GPCPD1: variants seen among roughly 807,000 people sequenced by gnomAD.
The protein encoded by GPCPD1 is glycerophosphocholine phosphodiesterase GPCPD1.
GPCPD1 carries 29 observed loss-of-function variants against 89.2 expected under a neutral mutation model. That is an observed-to-expected ratio of 0.33 (90% CI 0.24 to 0.44). GPCPD1 has a LOEUF of 0.44. Ranked by LOEUF, GPCPD1 falls within the 20% of genes least tolerant of loss-of-function variation. GPCPD1 has a pLI of 1.00. For synonymous variants in GPCPD1, 258 were observed against 266.3 expected, an observed-to-expected ratio of 0.97 and a Z score of 0.30; for missense variants, 594 against 808.9, an observed-to-expected ratio of 0.73 and a Z score of 3.22.
At chr20:5,576,040 T>TAC (rs36119025) in intron 8 of GPCPD1, 62 bp from the exon 9 acceptor site, 27,026 of 602,370 alleles carry the variant, frequency 0.045, 285 homozygotes, top group Non-Finnish European at 0.052. Context: ...TACATACATA[T>TAC]ACACACACAC....
In GPCPD1 at chr20:5,575,839, C is replaced by G. The variant is rs1346417000; in HGVS notation, c.845G>C (p.Arg282Pro). ...LTLPIMSRNSRKTIGKVRVDY... is the reference protein window; with the variant it reads ...LTLPIMSRNSPKTIGKVRVDY... ...ACCTCTCACTTTGCCTATTGTTTTC[C>G]GGGAATTTCTGCTCATGATGGGAAG... is the stretch of plus-strand genomic sequence containing the variant. The change falls in exon 9 of 20, where the codon CGG becomes CCG. Residue 282 changes from arginine to proline, a missense_variant. Physicochemically the swap from Arg to Pro is moderately radical, Grantham distance 103. Coordinates refer to ENST00000379019, the MANE Select transcript of GPCPD1 (RefSeq NM_019593.5). 6.2e-7 allele frequency: 1 copy of G among 1,609,744 alleles called. No homozygotes were observed. The highest frequency in any genetic ancestry group is 1.3e-5 in the African/African-American group (1 of 74,724).
At chr20:5,563,471 C>T in intron 15 of GPCPD1, among the ~76,000 whole-genome samples, 1 of 152,178 alleles carries the variant, frequency 6.6e-6, no homozygotes, top group East Asian at 1.9e-4. Context: ...CTTAGATGGG[C>T]TTCATAAGTA....
rs537940270 is a variant in GPCPD1, at chr20:5,570,288, C to T, written c.1057-49G>A. ...GAAAAACATTGCCTGGTACACAGTA[C>T]CTCTCAAACTGCAAGAACGTAAGAA... On this transcript the variant is annotated intron_variant, in intron 11 of 19. Coordinates refer to ENST00000379019, the MANE Select transcript of GPCPD1 (RefSeq NM_019593.5). 64 of 882,698 alleles carry T rather than the reference C, an allele frequency of 7.3e-5. 2 individuals are homozygous for T. In the South Asian group the frequency reaches 9.3e-4, roughly 13 times the overall value. 54.7% of individuals were successfully genotyped at this position (882,698 alleles called of 1,614,324 possible). A position where few individuals can be genotyped will look rare whatever the true frequency, so the allele number is the denominator to read the frequency against.
chr20:5,608,674 A>G (rs1236081272), intron 1 of GPCPD1, among the ~76,000 whole-genome samples: 1 of 152,350 alleles, frequency 6.6e-6, no homozygotes, highest in East Asian at 1.9e-4. Flanking sequence ...GATATACATA[A>G]AAACAAGAGT....
At chr20:5,586,789 T>C (rs1305040370) in intron 4 of GPCPD1, among the ~76,000 whole-genome samples, 2 of 152,170 alleles carry the variant, frequency 1.3e-5, no homozygotes, top group Non-Finnish European at 2.9e-5. Flanking sequence ...AAGTTATTTA[T>C]TACATATATT....
chr20:5,583,597 A>T (rs775117905), intron 6 of GPCPD1, among the ~76,000 whole-genome samples: 16 of 152,310 alleles, frequency 1.1e-4, no homozygotes, highest in Middle Eastern at 3.4e-3. Flanking sequence ...CTAAAACAGA[A>T]AGTACACAAA....
chr20:5,605,301 G>C (rs1254938689), intron 1 of GPCPD1, among the ~76,000 whole-genome samples: 1 of 152,064 alleles, frequency 6.6e-6, no homozygotes, highest in Non-Finnish European at 1.5e-5. Context: ...TTCCTGACCA[G>C]GGTAATACTG....
At chr20:5,558,598 G>GTAAT in intron 18 of GPCPD1, 86 bp downstream of exon 18, 1 of 771,926 alleles carries the variant, frequency 1.3e-6, no homozygotes, top group Non-Finnish European at 2.1e-6. Flanking sequence ...GTTAACATTA[G>GTAAT]ATGGGTAAAG....
intron 5 of GPCPD1, chr20:5,584,973 G>A (rs988579988): frequency 5.9e-5 from 9 of 152,108 alleles, no homozygotes; most frequent in Non-Finnish European, 1.2e-4. Context: ...TACTTTAAAC[G>A]TTAGTCTGAA....
intron 6 of GPCPD1, among the ~76,000 whole-genome samples, chr20:5,583,544 C>T (rs562120868): frequency 2.6e-5 from 4 of 152,208 alleles, no homozygotes; most frequent in Admixed American, 6.6e-5. Context: ...GGTAAGAATT[C>T]CAGTCACTGA....
At chr20:5,567,719 G>T in intron 12 of GPCPD1, 159 bp from the exon 13 acceptor site, 1 of 651,332 alleles carries the variant, frequency 1.5e-6, no homozygotes, top group Non-Finnish European at 2.4e-6. Flanking sequence ...CTGAGCCCAT[G>T]CAGGACAGCC....
At chr20:5,554,008 A>G (rs1985597182) in intron 19 of GPCPD1, among the ~76,000 whole-genome samples, 1 of 103,518 alleles carries the variant, frequency 9.7e-6, no homozygotes, top group Non-Finnish European at 2.0e-5. Flanking sequence ...TCGCTCTGTC[A>G]CCCAGGCTGC....
intron 18 of GPCPD1, 30 bp from the exon 19 acceptor site, chr20:5,558,135 A>G: frequency 7.1e-7 from 1 of 1,413,524 alleles, no homozygotes; most frequent in African/African-American, 1.4e-5. Flanking sequence ...TTGTGCATGA[A>G]AAAGAAACAT....
At chr20:5,563,564 A>G (rs1273433177) in intron 15 of GPCPD1, among the ~76,000 whole-genome samples, 2 of 152,038 alleles carry the variant, frequency 1.3e-5, no homozygotes, top group Non-Finnish European at 2.9e-5. Flanking sequence ...GCTGGAGTGC[A>G]GTGGCACAAT....
At chr20:5,582,186 CAAAAAAAAAAAAAAAAAA>C (rs1164754193) in intron 6 of GPCPD1, among the ~76,000 whole-genome samples, 2,027 of 36,460 alleles carry the variant, frequency 0.056, 123 homozygotes, top group African/African-American at 0.21. Flanking sequence ...ACTCCCGTCT[CAAAAAAAAAAAAAAAAAA>C]AAAAAAAAAA....
At chr20:5,601,958 A>G (rs962653646) in intron 2 of GPCPD1, among the ~76,000 whole-genome samples, 2 of 152,222 alleles carry the variant, frequency 1.3e-5, no homozygotes, top group African/African-American at 4.8e-5. Context: ...CTCAGTTATA[A>G]AAGATTATGA....
chr20:5,565,155 CA>C (rs201999599), intron 14 of GPCPD1, 77 bp from the exon 15 acceptor site: 174 of 754,472 alleles, frequency 2.3e-4, no homozygotes, highest in East Asian at 7.0e-4. Context: ...TCCTTAGTGC[CA>C]AAAAAAACAG....
At chr20:5,572,287 CTAA>C (rs1439863117) in intron 11 of GPCPD1, among the ~76,000 whole-genome samples, 1 of 151,910 alleles carries the variant, frequency 6.6e-6, no homozygotes, top group Non-Finnish European at 1.5e-5. Context: ...AAACTATAGC[CTAA>C]TAATATTAAT....
chr20:5,570,100 C>A (rs761376342), intron 12 of GPCPD1, 47 bp downstream of exon 12: 1 of 819,180 alleles, frequency 1.2e-6, no homozygotes, highest in Non-Finnish European at 2.0e-6. Context: ...AGTTTTTAAA[C>A]CTTTTACTTA....
Sources: gnomAD v4.1 joint callset for allele counts (sites outside exome capture counted in the v4.1 genomes callset) on GRCh38, gnomAD v4.1.1 for gene constraint, MANE v1.5 for transcripts, NCBI Gene and HGNC (gene_info 2026-07-23, HGNC 2026-07-21) for gene names.